Variants in IRAG2 observed in about 807,000 individuals in gnomAD.
IRAG2 encodes inositol 1,4,5-triphosphate receptor associated 2, also known as lymphoid restricted membrane protein.
IRAG2 carries 45 observed loss-of-function variants against 69.9 expected under a neutral mutation model. The ratio of observed to expected loss-of-function variants is 0.64; its 90% CI spans 0.51 to 0.83. The LOEUF is 0.83. Among genes scored for constraint, IRAG2 ranks in the 40% least tolerant of loss-of-function variants. The pLI, the probability that IRAG2 is intolerant of heterozygous loss-of-function variation, is 0.00. For synonymous variants in IRAG2, 193 were observed against 202.4 expected (o/e 0.95, Z 0.40); for missense variants, 520 against 587.0 (o/e 0.89, Z 1.18).
At chr12:25,014,963 A>G (rs1174827092) in intron 3 of IRAG2, among the ~76,000 whole-genome samples, 1 of 152,038 alleles carries the variant, frequency 6.6e-6, no homozygotes, top group Non-Finnish European at 1.5e-5. Flanking sequence ...CACTAGGAAC[A>G]CAGACTATTT....
chr12:25,062,744 A>C (rs1945709226), intron 2 of IRAG2, 76 bp from the exon 3 acceptor site: 1 of 398,184 alleles, frequency 2.5e-6, no homozygotes, highest in Non-Finnish European at 4.4e-6. Flanking sequence ...ATCTTCTATT[A>C]AGTCTAATGT....
chr12:25,002,781 A>G (rs562218529), upstream of IRAG2, among the ~76,000 whole-genome samples: 1 of 152,136 alleles, frequency 6.6e-6, no homozygotes, highest in South Asian at 2.1e-4. Context: ...AGCTGGGATT[A>G]CAGTCGCCTG....
intron 16 of IRAG2, among the ~76,000 whole-genome samples, chr12:25,040,896 T>A (rs1944743059): frequency 6.6e-6 from 1 of 152,112 alleles, no homozygotes; most frequent in South Asian, 2.1e-4. Context: ...GAAACTAACA[T>A]CTAGTAAAGG....
intron 14 of IRAG2, among the ~76,000 whole-genome samples, chr12:25,094,691 C>A (rs983091857): frequency 4.0e-5 from 6 of 151,254 alleles, no homozygotes; most frequent in African/African-American, 1.5e-4. Flanking sequence ...ATCAGGTCTA[C>A]CAACCCATGA....
intron 1 of IRAG2, among the ~76,000 whole-genome samples, chr12:25,057,189 A>C (rs1030832508): frequency 6.7e-6 from 1 of 149,314 alleles, no homozygotes; most frequent in Non-Finnish European, 1.5e-5. Flanking sequence ...GTTTGTTAGT[A>C]CTCTGGTTAC....
upstream of IRAG2, among the ~76,000 whole-genome samples, chr12:25,050,561 AC>A (rs1222819075): frequency 2.3e-3 from 348 of 148,186 alleles, 9 homozygotes; most frequent in South Asian, 3.2e-3. Context: ...ACAAAAAAAA[AC>A]AGTTACAGAG....
At chr12:25,007,640 G>A (rs1453636197) in intron 2 of IRAG2, among the ~76,000 whole-genome samples, 1 of 152,152 alleles carries the variant, frequency 6.6e-6, no homozygotes, top group Non-Finnish European at 1.5e-5. Context: ...TCCTGCCTCA[G>A]CCTCTCAAGT....
intron 12 of IRAG2, 23 bp from the exon 13 acceptor site, chr12:25,089,739 TA>T (rs772183315): frequency 2.5e-6 from 4 of 1,613,100 alleles, no homozygotes; most frequent in Non-Finnish European, 3.4e-6. Context: ...TATGTTTAAA[TA>T]TGTTTTTTGT....
At chr12:25,093,856 T>C (rs1484951789) in intron 14 of IRAG2, 8 of 153,442 alleles carry the variant, frequency 5.2e-5, no homozygotes, top group South Asian at 4.1e-4. Context: ...TTGAATATCA[T>C]GGACCTGCAT....
chr12:25,015,160 T>TTG (rs148238093), intron 3 of IRAG2: 290,308 of 1,113,898 alleles, frequency 0.26, 7,682 homozygotes, highest in Non-Finnish European at 0.28. Context: ...GTTTTGTTTT[T>TTG]TTTTTTTTTT....
At chr12:25,053,559 C>T (rs2139894177) in intron 1 of IRAG2, among the ~76,000 whole-genome samples, 1 of 151,932 alleles carries the variant, frequency 6.6e-6, no homozygotes, top group South Asian at 2.1e-4. Context: ...TAAACAGTTA[C>T]CAGAGATTTA....
At chr12:25,060,676 T>C (rs1040458456) in intron 1 of IRAG2, among the ~76,000 whole-genome samples, 18 of 148,310 alleles carry the variant, frequency 1.2e-4, no homozygotes, top group South Asian at 2.1e-4. Flanking sequence ...TTCTTTTTTT[T>C]TTTTTTTTTT....
intron 8 of IRAG2, among the ~76,000 whole-genome samples, chr12:25,026,495 G>C (rs1565529082): frequency 6.6e-6 from 1 of 152,162 alleles, no homozygotes; most frequent in Admixed American, 6.5e-5. Flanking sequence ...TCGGATCAAT[G>C]GATTGCGGGT....
intron 10 of IRAG2, among the ~76,000 whole-genome samples, chr12:25,084,800 C>T (rs555261037): frequency 3.9e-5 from 6 of 152,238 alleles, no homozygotes; most frequent in South Asian, 4.1e-4. Context: ...TATCCAGAGG[C>T]GATTGATTCC....
Position 25,052,754 on chromosome 12 carries a change from GCCACACTGCTACAATCCAGCACTAACTAT to G in IRAG2, c.-645_-617del. On this transcript the variant is annotated 5_prime_UTR_variant, in exon 1 of 22. It adds an upstream start codon to the 5' untranslated region. Coordinates refer to ENST00000556887, the MANE Select transcript of IRAG2 (RefSeq NM_001366544.2). ...GAGCACTCCATTGCTTTCTTTCCTGGCCACACTGCTACAATCCAGCACTAACTATCCATGTCCAGGGTAAGGATCGAGAT... is the reference window on the plus strand; with the variant it reads ...GAGCACTCCATTGCTTTCTTTCCTGGCCATGTCCAGGGTAAGGATCGAGAT... The G allele has an allele frequency of 2.5e-6, 1 of 398,524 alleles. No homozygotes were observed. Among genetic ancestry groups the G allele is most frequent in the East Asian group, 3.6e-5 (1 of 28,072 alleles). 24.7% of individuals were successfully genotyped at this position (398,524 alleles called of 1,614,324 possible).
rs1947907332 is a variant in IRAG2, at chr12:25,089,786, T to A, written c.461T>A (p.Val154Glu). 6.2e-7 allele frequency: 1 copy of A among 1,612,866 alleles called. No homozygotes were observed. Among genetic ancestry groups the A allele is most frequent in the African/African-American group, 1.3e-5 (1 of 74,866 alleles). ...SENTSANEKE[V>E]EAEFLRLSLG... Reference sequence around the variant, plus strand: ...AGCACTTCTGCTAATGAGAAGGAGGTGGAGGTGAGTTTAAAGCAAATTTTT... The same window carrying A: ...AGCACTTCTGCTAATGAGAAGGAGGAGGAGGTGAGTTTAAAGCAAATTTTT... Residue 154 changes from valine (V) to glutamate (E), a missense_variant, in exon 13 of 22, where the codon GTG (valine) becomes GAG (glutamate). By Grantham distance (121) the Val-to-Glu change is moderately radical (BLOSUM62 -2). Transcript: ENST00000556887.
intron 16 of IRAG2, among the ~76,000 whole-genome samples, chr12:25,043,002 T>A (rs114304658): frequency 4.9e-5 from 7 of 142,896 alleles, no homozygotes; most frequent in South Asian, 4.4e-4. Context: ...TCTTTGAAAT[T>A]AAAAAAAAAA....
chr12:25,106,269 TTATA>T (rs1949098982), intron 20 of IRAG2, among the ~76,000 whole-genome samples: 1 of 150,712 alleles, frequency 6.6e-6, no homozygotes, highest in Non-Finnish European at 1.5e-5. Flanking sequence ...CACATTTGTT[TTATA>T]TATACACATA....
At chr12:25,042,430 G>A (rs1944758109) in intron 16 of IRAG2, among the ~76,000 whole-genome samples, 1 of 152,006 alleles carries the variant, frequency 6.6e-6, no homozygotes, top group African/African-American at 2.4e-5. Flanking sequence ...ATCTTCAAAG[G>A]TTTATCATCT....
Sources: allele counts gnomAD v4.1 joint callset (sites outside exome capture counted in the v4.1 genomes callset), GRCh38; gene constraint gnomAD v4.1.1; transcripts MANE v1.5; gene names NCBI Gene and HGNC (gene_info 2026-07-23, HGNC 2026-07-21).